The following ABCA8 variants were observed in gnomAD, a reference collection of about 807,000 sequenced individuals.
ABCA8 encodes the protein ABC-type organic anion transporter ABCA8.
ABCA8 carries 177 observed loss-of-function variants against 192.3 expected under a neutral mutation model. The observed-to-expected ratio is 0.92, with a 90% confidence interval of 0.81 to 1.04. The LOEUF (loss-of-function observed/expected upper bound fraction) is 1.04, where lower values mean the gene tolerates loss of function less well. Among genes scored for constraint, ABCA8 ranks in the 50% least tolerant of loss-of-function variants. ABCA8 has a pLI of 0.00. For synonymous variants in ABCA8, 642 were observed against 690.2 expected, an observed-to-expected ratio of 0.93 and a Z score of 1.09; for missense variants, 1,915 against 1,904.8, an observed-to-expected ratio of 1.01 and a Z score of -0.10.
At chr17:68,922,194 CT>C (rs201226205) in intron 12 of ABCA8, 47 bp downstream of exon 12, 13 of 527,418 alleles carry the variant, frequency 2.5e-5, no homozygotes, top group South Asian at 1.5e-4. Context: ...TTCTCTCTCT[CT>C]TTTTTTTTTT....
Position 68,941,503 on chromosome 17 carries a change from A to T in ABCA8, c.96+436T>A, listed in dbSNP as rs144632713. ...AATTTTCTTCTTGGAATTTAATACA[A>T]TTCCAACTTTTCTACTTTTTTGAAG... On this transcript the variant is annotated intron_variant, in intron 3 of 39. Transcript: ENST00000586539. Among the ~76,000 whole-genome samples the T allele has an allele frequency of 2.9e-3, 443 of 152,296 alleles. 4 individuals carry two copies. The highest frequency in any genetic ancestry group is 9.8e-3 in the African/African-American group (409 of 41,582).
chr17:68,900,940 A>G (rs2066893703), intron 21 of ABCA8, among the ~76,000 whole-genome samples: 1 of 152,206 alleles, frequency 6.6e-6, no homozygotes, highest in South Asian at 2.1e-4. Context: ...ACTAAATGAC[A>G]CTTCAGCAGT....
chr17:68,868,702 CAGA>C (rs1226454996), intron 38 of ABCA8, among the ~76,000 whole-genome samples: 2 of 152,086 alleles, frequency 1.3e-5, no homozygotes, highest in Non-Finnish European at 2.9e-5. Context: ...AGGCTTGTAT[CAGA>C]AGATTATGGA....
intron 21 of ABCA8, among the ~76,000 whole-genome samples, chr17:68,896,027 C>T (rs1054511892): frequency 6.6e-6 from 1 of 152,136 alleles, no homozygotes; most frequent in Non-Finnish European, 1.5e-5. Context: ...GAGAATCAGG[C>T]ACGATCCATG....
At chr17:68,920,185 G>A (rs897972025) in intron 13 of ABCA8, among the ~76,000 whole-genome samples, 1 of 152,148 alleles carries the variant, frequency 6.6e-6, no homozygotes. Flanking sequence ...TCACTTATAA[G>A]AGGGAGCTAA....
At chr17:68,952,541 C>T (rs1379006612) in intron 1 of ABCA8, among the ~76,000 whole-genome samples, 13 of 152,190 alleles carry the variant, frequency 8.5e-5, no homozygotes, top group Admixed American at 7.9e-4. Context: ...CATCAAATGT[C>T]TATTAACTTT....
In ABCA8 at chr17:68,933,204, C is replaced by T; in HGVS notation, c.534G>A (p.Val178=). ...CAGCATTAATGGCAGCTTGAAGAGC[C>T]ACAAAACCTTCCTTCCAAAATACTG... The part of the protein sequence containing the change: ...EVSVFWKEGF[V]ALQAAINAAI... Residue 178 remains valine, a synonymous_variant, in exon 6 of 40, where the codon GTG becomes GTA. Coordinates refer to ENST00000586539, the MANE Select transcript of ABCA8 (RefSeq NM_001288985.2). 1.9e-6 allele frequency: 3 copies of T among 1,613,290 alleles called. No individual in the cohort carries two copies. Among genetic ancestry groups the T allele is most frequent in the Non-Finnish European group, 1.7e-6 (2 of 1,179,568 alleles).
intron 23 of ABCA8, 98 bp downstream of exon 23, chr17:68,894,075 G>T: frequency 7.9e-7 from 1 of 1,263,652 alleles, no homozygotes; most frequent in Non-Finnish European, 1.1e-6. Context: ...ATTATGCAGT[G>T]GTTTACTCAA....
At chr17:68,935,540 C>CTATATA (rs6146128) in intron 5 of ABCA8, among the ~76,000 whole-genome samples, 4,066 of 87,150 alleles carry the variant, frequency 0.047, 160 homozygotes, top group East Asian at 0.081. Context: ...AGTAGTATTC[C>CTATATA]TATATATATA....
chr17:68,950,986 C>T (rs913401560), intron 1 of ABCA8, among the ~76,000 whole-genome samples: 4 of 151,982 alleles, frequency 2.6e-5, no homozygotes, highest in African/African-American at 7.3e-5. Flanking sequence ...TTGTTTCTTC[C>T]ATTGCTGTGA....
At chr17:68,908,859 T>C (rs2067162160) in intron 17 of ABCA8, among the ~76,000 whole-genome samples, 1 of 152,204 alleles carries the variant, frequency 6.6e-6, no homozygotes, top group African/African-American at 2.4e-5. Context: ...GAATAATGAT[T>C]CCCAGCCTCT....
chr17:68,892,416 T>TG (rs2066640547), intron 23 of ABCA8, among the ~76,000 whole-genome samples: 1 of 152,148 alleles, frequency 6.6e-6, no homozygotes, highest in South Asian at 2.1e-4. Flanking sequence ...AAGCAAGTTC[T>TG]GAAAATCTGG....
Position 68,885,625 on chromosome 17 carries a change from G to A in ABCA8, c.3430-310C>T, listed in dbSNP as rs903581383. 1.4e-4 allele frequency among the ~76,000 whole-genome samples: 21 copies of A among 151,718 alleles called. 1 individual carries two copies. The highest frequency in any genetic ancestry group is 5.1e-4 in the African/African-American group (21 of 41,274). ...TGCAGTAGCGTGATCATGGCTCACTGCAGCCTCAAACTCCTGGGCTCAAGT... is the reference window on the plus strand; with the variant it reads ...TGCAGTAGCGTGATCATGGCTCACTACAGCCTCAAACTCCTGGGCTCAAGT... On this transcript the variant is annotated intron_variant, in intron 26 of 39. Transcript: ENST00000586539.
At chr17:68,910,746 C>T (rs1038877565) in intron 17 of ABCA8, among the ~76,000 whole-genome samples, 1 of 152,156 alleles carries the variant, frequency 6.6e-6, no homozygotes, top group African/African-American at 2.4e-5. Flanking sequence ...CATACAAGCT[C>T]AGCCACAGCA....
intron 2 of ABCA8, among the ~76,000 whole-genome samples, chr17:68,942,350 C>T (rs2068256379): frequency 6.6e-6 from 1 of 152,148 alleles, no homozygotes; most frequent in Admixed American, 6.6e-5. Context: ...TTTCCTTTGC[C>T]AGCTGGCATG....
chr17:68,918,319 T>C lies in ABCA8; in HGVS notation c.1908+108A>G, dbSNP rs373582785. Reference sequence around the variant, plus strand: ...TTTAGATACTCTATTTAATGTTCTATTATGAATATTTTATAACACATGTCC... The same window carrying C: ...TTTAGATACTCTATTTAATGTTCTACTATGAATATTTTATAACACATGTCC... On this transcript the variant is annotated intron_variant, in intron 15 of 39. Coordinates refer to ENST00000586539, the MANE Select transcript of ABCA8 (RefSeq NM_001288985.2). The C allele has an allele frequency of 1.0e-4, 147 of 1,468,390 alleles. No individual in the cohort carries two copies. The African/African-American group carries it at 1.6e-3, about 16-fold the overall frequency. The allele number at this position is 1,468,390 out of a possible 1,614,324, so 91.0% of individuals were successfully genotyped here.
chr17:68,899,084 C>CA (rs2066839066), intron 21 of ABCA8, among the ~76,000 whole-genome samples: 1 of 151,488 alleles, frequency 6.6e-6, no homozygotes, highest in Non-Finnish European at 1.5e-5. Context: ...GAACATAATT[C>CA]AAAAATATAA....
At chr17:68,883,665 G>A (rs2066389955) in intron 29 of ABCA8, 126 bp downstream of exon 29, 2 of 614,176 alleles carry the variant, frequency 3.3e-6, no homozygotes, top group African/African-American at 1.9e-5. Flanking sequence ...ATTTGTATGG[G>A]CACATGGTTC....
At chr17:68,950,947 C>T (rs1441201307) in intron 1 of ABCA8, among the ~76,000 whole-genome samples, 1 of 152,098 alleles carries the variant, frequency 6.6e-6, no homozygotes, top group Non-Finnish European at 1.5e-5. Context: ...CTCAGCCTCC[C>T]GAGACCTTGA....
Sources: allele counts gnomAD v4.1 joint callset (sites outside exome capture counted in the v4.1 genomes callset), GRCh38; gene constraint gnomAD v4.1.1; transcripts MANE v1.5; gene names NCBI Gene and HGNC (gene_info 2026-07-23, HGNC 2026-07-21).